Variants in RGS7 observed in about 807,000 individuals in gnomAD.
RGS7 encodes the protein regulator of G-protein signaling 7.
A neutral mutation model predicts 81.1 loss-of-function variants in RGS7; 27 were observed. That is an observed-to-expected ratio of 0.33 (90% CI 0.25 to 0.46). The LOEUF (loss-of-function observed/expected upper bound fraction) is 0.46, where lower values mean the gene tolerates loss of function less well. RGS7 is among the 20% of genes least tolerant of loss of function. The pLI is 1.00. For missense variants in RGS7, 396 were observed against 607.4 expected, an observed-to-expected ratio of 0.65 and a Z score of 3.66; for synonymous variants, 208 against 207.7, an observed-to-expected ratio of 1.00 and a Z score of -0.01.
Position 241,130,464 on chromosome 1 carries a change from A to G in RGS7, c.79-31702T>C, listed in dbSNP as rs778431868. ...ACACATTAAAAAATGTCCTGGAATG[A>G]ATTTGCTATTCTGCTTGGCAACATT... On this transcript the variant is annotated intron_variant, in intron 2 of 18. Transcript: ENST00000440928. 3.9e-5 allele frequency among the ~76,000 whole-genome samples: 6 copies of G among 152,254 alleles called. No homozygotes were observed. In the South Asian group the frequency reaches 1.0e-3, roughly 26 times the overall value.
chr1:240,903,169 CAA>C (rs1670283659), intron 6 of RGS7, among the ~76,000 whole-genome samples: 1 of 152,134 alleles, frequency 6.6e-6, no homozygotes, highest in African/African-American at 2.4e-5. Context: ...AATCAGCTGT[CAA>C]AAAGAAGAGG....
chr1:240,782,493 A>G (rs1368142917), intron 18 of RGS7, among the ~76,000 whole-genome samples: 1 of 152,134 alleles, frequency 6.6e-6, no homozygotes. Context: ...TGTGACCATG[A>G]CACACTGCAG....
At position 240,983,059 on chromosome 1, in the gene RGS7, T is replaced by G; in HGVS notation, c.226+20A>C. On this transcript the variant is annotated intron_variant, in intron 4 of 18. Coordinates refer to ENST00000440928, the MANE Select transcript of RGS7 (RefSeq NM_001364886.1). ...ACCACTAAGAAAAAAGTTCTTGCAA[T>G]GGGAAAATGATTTATTTACCTGGAT... is the stretch of plus-strand genomic sequence containing the variant. 1.4e-6 allele frequency: 2 copies of G among 1,438,636 alleles called. No individual in the cohort carries two copies. The highest frequency in any genetic ancestry group is 2.0e-6 in the Non-Finnish European group (2 of 1,023,436). The allele number at this position is 1,438,636 out of a possible 1,614,324, so 89.1% of individuals were successfully genotyped here.
chr1:241,022,668 AATTATCCTT>A (rs2059599257), intron 3 of RGS7, among the ~76,000 whole-genome samples: 2 of 152,040 alleles, frequency 1.3e-5, no homozygotes, highest in Non-Finnish European at 2.9e-5. Flanking sequence ...CTACCCACCA[AATTATCCTT>A]AAAAACCCTG....
At chr1:240,795,437 AAG>A (rs1312835445) in intron 18 of RGS7, among the ~76,000 whole-genome samples, 1 of 152,214 alleles carries the variant, frequency 6.6e-6, no homozygotes, top group Non-Finnish European at 1.5e-5. Context: ...CTTCCAGAAT[AAG>A]TTATTTTTCC....
chr1:241,341,100 C>T (rs920215146), intron 2 of RGS7, among the ~76,000 whole-genome samples: 2 of 152,150 alleles, frequency 1.3e-5, no homozygotes, highest in African/African-American at 4.8e-5. Context: ...CACAGAAGCT[C>T]ATGGAGATAT....
At chr1:241,176,355 A>T (rs4471262) in intron 2 of RGS7, among the ~76,000 whole-genome samples, 33,206 of 152,020 alleles carry the variant, frequency 0.22, 4,036 homozygotes, top group Admixed American at 0.28. Context: ...ACATTATTTT[A>T]AAAACTGAGT....
chr1:240,974,380 C>T (rs886447520), intron 4 of RGS7, among the ~76,000 whole-genome samples: 11 of 152,134 alleles, frequency 7.2e-5, no homozygotes, highest in African/African-American at 1.7e-4. Context: ...TTTCTGTTCA[C>T]GTTCTCACAT....
At chr1:240,877,294 T>C (rs1665590572) in intron 6 of RGS7, among the ~76,000 whole-genome samples, 1 of 149,246 alleles carries the variant, frequency 6.7e-6, no homozygotes, top group South Asian at 2.1e-4. Flanking sequence ...TATATTTATA[T>C]ATGTAAAGTA....
chr1:240,787,565 T>A (rs922602339), intron 18 of RGS7, among the ~76,000 whole-genome samples: 1 of 152,214 alleles, frequency 6.6e-6, no homozygotes, highest in South Asian at 2.1e-4. Context: ...CTGTTCCTTA[T>A]GGTATTTTAA....
intron 2 of RGS7, among the ~76,000 whole-genome samples, chr1:241,261,757 G>GT (rs1425177980): frequency 7.9e-6 from 1 of 126,014 alleles, no homozygotes; most frequent in African/African-American, 3.1e-5. Flanking sequence ...GAGCCATAAT[G>GT]TTAATTTTAA....
At chr1:240,848,632 G>GTT (rs1659528265) in intron 9 of RGS7, among the ~76,000 whole-genome samples, 1 of 48,806 alleles carries the variant, frequency 2.0e-5, no homozygotes, top group Admixed American at 1.6e-4. Context: ...TATAACGAGA[G>GTT]GTTTTTTTTT....
chr1:241,048,473 C>G (rs2061067411), intron 3 of RGS7, among the ~76,000 whole-genome samples: 1 of 152,150 alleles, frequency 6.6e-6, no homozygotes, highest in Non-Finnish European at 1.5e-5. Context: ...AGTGCTGGGC[C>G]TTCCAGCCTC....
chr1:241,220,937 AG>A (rs2074860420), intron 2 of RGS7, among the ~76,000 whole-genome samples: 2 of 147,150 alleles, frequency 1.4e-5, no homozygotes, highest in African/African-American at 5.1e-5. Context: ...GAAGAAAGGA[AG>A]GAAGGAAGAA....
In RGS7 at chr1:240,818,445, G is replaced by A. The variant is rs185923134; in HGVS notation, c.685-2030C>T. Reference sequence around the variant, plus strand: ...AAAAAGAATAACAAGCATAGGGCCTGGAATATAAAGTGATTTAATTTACAC... The same window carrying A: ...AAAAAGAATAACAAGCATAGGGCCTAGAATATAAAGTGATTTAATTTACAC... On this transcript the variant is annotated intron_variant, in intron 10 of 18. Transcript: ENST00000440928. Among the ~76,000 whole-genome samples the A allele has an allele frequency of 1.0e-3, 155 of 152,190 alleles. No homozygotes were observed. The South Asian group carries it at 0.011, about 11-fold the overall frequency.
At chr1:241,056,043 C>T (rs988152015) in intron 3 of RGS7, among the ~76,000 whole-genome samples, 2 of 152,114 alleles carry the variant, frequency 1.3e-5, no homozygotes, top group Admixed American at 6.5e-5. Flanking sequence ...AAAATGTTTG[C>T]AAGCCCCTGA....
intron 2 of RGS7, among the ~76,000 whole-genome samples, chr1:241,210,726 A>G (rs1461753950): frequency 6.6e-6 from 1 of 152,200 alleles, no homozygotes; most frequent in Non-Finnish European, 1.5e-5. Flanking sequence ...AGCTCAATAA[A>G]AAGCAAAGCT....
intron 2 of RGS7, among the ~76,000 whole-genome samples, chr1:241,113,277 A>G (rs1029719312): frequency 4.6e-5 from 7 of 152,206 alleles, no homozygotes; most frequent in Non-Finnish European, 1.0e-4. Context: ...TTATTACTAG[A>G]TATCTGTGAC....
At chr1:240,853,270 C>T (rs1430113876) in intron 9 of RGS7, among the ~76,000 whole-genome samples, 2 of 152,076 alleles carry the variant, frequency 1.3e-5, no homozygotes, top group African/African-American at 4.8e-5. Context: ...TTATCAGAAA[C>T]GACTACAGGG....
Sources: allele counts gnomAD v4.1 joint callset (sites outside exome capture counted in the v4.1 genomes callset), GRCh38; gene constraint gnomAD v4.1.1; transcripts MANE v1.5; gene names NCBI Gene and HGNC (gene_info 2026-07-23, HGNC 2026-07-21).